The following LRP1B variants were observed in gnomAD, a reference collection of about 807,000 sequenced individuals.
LRP1B encodes the protein LDL receptor related protein 1B, also known as low-density lipoprotein receptor-related protein 1B.
In LRP1B, 217 loss-of-function variants were observed where a neutral mutation model predicts 556.6. That is an observed-to-expected ratio of 0.39 (90% CI 0.35 to 0.44). The LOEUF (loss-of-function observed/expected upper bound fraction) is 0.44, where lower values mean the gene tolerates loss of function less well. Among genes scored for constraint, LRP1B ranks in the 20% least tolerant of loss-of-function variants. LRP1B has a pLI of 1.00. For synonymous variants in LRP1B, 2,047 were observed against 1,865.8 expected (o/e 1.10, Z -2.50); for missense variants, 5,053 against 5,620.8 (o/e 0.90, Z 3.23).
chr2:141,610,077 ATTAATG>A (rs1688053655), intron 2 of LRP1B, among the ~76,000 whole-genome samples: 1 of 152,178 alleles, frequency 6.6e-6, no homozygotes, highest in Non-Finnish European at 1.5e-5. Flanking sequence ...TTCTTGGCTA[ATTAATG>A]CAACTATTTG....
chr2:142,090,218 A>G (rs1396098485), intron 1 of LRP1B, among the ~76,000 whole-genome samples: 1 of 152,168 alleles, frequency 6.6e-6, no homozygotes, highest in Admixed American at 6.5e-5. Context: ...ATTCATATGT[A>G]ATATTTATAA....
At chr2:141,989,439 C>G (rs994934741) in intron 1 of LRP1B, among the ~76,000 whole-genome samples, 1 of 151,950 alleles carries the variant, frequency 6.6e-6, no homozygotes, top group Admixed American at 6.6e-5. Flanking sequence ...CACTAAGATA[C>G]AGATCTGGAA....
intron 32 of LRP1B, among the ~76,000 whole-genome samples, chr2:140,786,906 G>A (rs779889506): frequency 3.3e-5 from 5 of 152,130 alleles, no homozygotes; most frequent in Admixed American, 6.5e-5. Flanking sequence ...CAGTGAGAGC[G>A]AGGAGTTAGC....
At chr2:141,509,202 T>C (rs776428058) in intron 2 of LRP1B, among the ~76,000 whole-genome samples, 10 of 152,174 alleles carry the variant, frequency 6.6e-5, no homozygotes, top group Admixed American at 5.9e-4. Flanking sequence ...ACTGGAGATA[T>C]GCAAACTTGA....
At chr2:141,461,035 G>GAAA (rs113023717) in intron 3 of LRP1B, among the ~76,000 whole-genome samples, 1 of 145,154 alleles carries the variant, frequency 6.9e-6, no homozygotes, top group African/African-American at 2.5e-5. Flanking sequence ...AGCTAGACTG[G>GAAA]AAAAAAAAAA....
intron 5 of LRP1B, among the ~76,000 whole-genome samples, chr2:141,229,749 A>C (rs1683388278): frequency 6.6e-6 from 1 of 152,202 alleles, no homozygotes; most frequent in South Asian, 2.1e-4. Flanking sequence ...TTTTCTAGAA[A>C]TGATGATGGA....
In LRP1B at chr2:140,640,383, C is replaced by CTTTTTTCT. The variant is rs1684242692; in HGVS notation, c.6800-38745_6800-38744insAGAAAAAA. ...ATCCACTATTCCCTTGTCCTGTTTT[C>CTTTTTTCT]TTTTTTTTTTTTTTTTTTTTTTTTT... On this transcript the variant is annotated intron_variant, in intron 41 of 90. Coordinates refer to ENST00000389484, the MANE Select transcript of LRP1B (RefSeq NM_018557.3). 1.7e-3 allele frequency among the ~76,000 whole-genome samples: 83 copies of CTTTTTTCT among 48,566 alleles called. 3 individuals carry two copies. The highest frequency in any genetic ancestry group is 5.0e-3 in the Admixed American group (12 of 2,422). The allele number at this position is 48,566 out of a possible 152,430, so 31.9% of individuals were successfully genotyped here.
chr2:141,175,223 A>T lies in LRP1B; in HGVS notation c.1013+13198T>A, dbSNP rs561401861. Among the ~76,000 whole-genome samples, 3 of 152,270 alleles carry T rather than the reference A, an allele frequency of 2.0e-5. No homozygotes were observed. In the South Asian group the frequency reaches 6.2e-4, roughly 32 times the overall value. On this transcript the variant is annotated intron_variant, in intron 7 of 90. Transcript: ENST00000389484. ...GAAAAATTTACAGCCTGGGCATGTGATAGAAAAGAAAAATCCATTTTCTGG... is the reference window on the plus strand; with the variant it reads ...GAAAAATTTACAGCCTGGGCATGTGTTAGAAAAGAAAAATCCATTTTCTGG...
At chr2:141,626,047 G>T (rs888795495) in intron 2 of LRP1B, among the ~76,000 whole-genome samples, 1 of 151,950 alleles carries the variant, frequency 6.6e-6, no homozygotes, top group Non-Finnish European at 1.5e-5. Flanking sequence ...CTATTTAGGG[G>T]TTATAGACAT....
chr2:142,049,953 A>G (rs1209243605), intron 1 of LRP1B, among the ~76,000 whole-genome samples: 3 of 152,126 alleles, frequency 2.0e-5, no homozygotes, highest in Non-Finnish European at 4.4e-5. Flanking sequence ...ATGGCCACCA[A>G]TGCTAAGCTT....
chr2:140,577,557 C>CA (rs1188266770), intron 43 of LRP1B, among the ~76,000 whole-genome samples: 1 of 151,866 alleles, frequency 6.6e-6, no homozygotes. Context: ...GCTGGGCTTA[C>CA]AGGTACGTGC....
intron 32 of LRP1B, among the ~76,000 whole-genome samples, chr2:140,787,962 G>A (rs1689966863): frequency 6.6e-6 from 1 of 152,100 alleles, no homozygotes; most frequent in Non-Finnish European, 1.5e-5. Flanking sequence ...GCACATGGGT[G>A]ATTTTCAAGG....
chr2:141,305,560 T>C (rs2105438467), intron 3 of LRP1B, among the ~76,000 whole-genome samples: 1 of 152,318 alleles, frequency 6.6e-6, no homozygotes, highest in African/African-American at 2.4e-5. Flanking sequence ...GAATTCCCGT[T>C]TTTCCAGTTT....
intron 11 of LRP1B, among the ~76,000 whole-genome samples, chr2:141,026,233 A>G (rs557589711): frequency 1.4e-4 from 22 of 152,242 alleles, no homozygotes; most frequent in African/African-American, 5.3e-4. Context: ...CTTTCATATT[A>G]TATGAAAAGT....
At chr2:141,742,528 A>G (rs1444028614) in intron 2 of LRP1B, among the ~76,000 whole-genome samples, 1 of 152,132 alleles carries the variant, frequency 6.6e-6, no homozygotes, top group Non-Finnish European at 1.5e-5. Flanking sequence ...TGCTGGGATT[A>G]GAGGTATGAG....
chr2:141,008,177 TATCA>T (rs1366738496), intron 14 of LRP1B, among the ~76,000 whole-genome samples: 4 of 151,420 alleles, frequency 2.6e-5, no homozygotes, highest in Non-Finnish European at 5.9e-5. Flanking sequence ...TATACCTATA[TATCA>T]ATTAAAAGGT....
At chr2:142,039,127 G>C (rs1336525337) in intron 1 of LRP1B, among the ~76,000 whole-genome samples, 1 of 151,420 alleles carries the variant, frequency 6.6e-6, no homozygotes, top group East Asian at 1.9e-4. Context: ...TATCCCCACA[G>C]CTCATCATGA....
intron 49 of LRP1B, among the ~76,000 whole-genome samples, chr2:140,518,062 A>T (rs1459567463): frequency 6.6e-6 from 1 of 152,020 alleles, no homozygotes; most frequent in Non-Finnish European, 1.5e-5. Context: ...TCAGGTTTAC[A>T]TGATTTTACA....
chr2:141,858,670 A>G (rs1451456418), intron 1 of LRP1B, among the ~76,000 whole-genome samples: 2 of 152,166 alleles, frequency 1.3e-5, no homozygotes, highest in Non-Finnish European at 2.9e-5. Context: ...AAGAACAACA[A>G]TACTAAATAC....
Sources: allele counts gnomAD v4.1 joint callset (sites outside exome capture counted in the v4.1 genomes callset), GRCh38; gene constraint gnomAD v4.1.1; transcripts MANE v1.5; gene names NCBI Gene and HGNC (gene_info 2026-07-23, HGNC 2026-07-21).